The following PDE10A variants were observed in gnomAD, a reference collection of about 807,000 sequenced individuals.
The protein encoded by PDE10A is cAMP and cAMP-inhibited cGMP 3',5'-cyclic phosphodiesterase 10A.
Under a neutral mutation model 97.7 loss-of-function variants are expected in PDE10A, and 39 were observed. That is an observed-to-expected ratio of 0.40 (90% CI 0.31 to 0.52). The LOEUF (loss-of-function observed/expected upper bound fraction) is 0.52, where lower values mean the gene tolerates loss of function less well. Among genes scored for constraint, PDE10A ranks in the 20% least tolerant of loss-of-function variants. The probability of loss-of-function intolerance (pLI) is 0.56; values close to 1 mark genes in which losing one functional copy is unlikely to be tolerated. For missense variants in PDE10A, 731 were observed against 1,047.8 expected (o/e 0.70, Z 4.17); for synonymous variants, 371 against 376.8 (o/e 0.98, Z 0.18).
intron 1 of PDE10A, among the ~76,000 whole-genome samples, chr6:165,563,208 G>A (rs1197559741): frequency 7.5e-6 from 1 of 133,684 alleles, no homozygotes; most frequent in South Asian, 2.8e-4. Context: ...AAGGGAGGGG[G>A]GAAAAAGAAA....
intron 1 of PDE10A, among the ~76,000 whole-genome samples, chr6:165,973,377 C>T (rs936346209): frequency 6.6e-6 from 1 of 151,128 alleles, no homozygotes; most frequent in Non-Finnish European, 1.5e-5. Flanking sequence ...CGCATCATTG[C>T]ACTCCAGCCT....
intron 3 of PDE10A, among the ~76,000 whole-genome samples, chr6:165,471,464 A>G (rs1335820017): frequency 6.6e-6 from 1 of 152,136 alleles, no homozygotes; most frequent in Non-Finnish European, 1.5e-5. Context: ...AGTCTCATAT[A>G]TACAACTTAC....
intron 1 of PDE10A, among the ~76,000 whole-genome samples, chr6:165,576,113 G>A (rs1374353378): frequency 1.3e-5 from 2 of 152,038 alleles, no homozygotes; most frequent in Non-Finnish European, 2.9e-5. Flanking sequence ...GAAAAATAAA[G>A]GGAAAAATCA....
At chr6:165,392,875 A>T in intron 15 of PDE10A, 79 bp from the exon 16 acceptor site, 1 of 1,281,800 alleles carries the variant, frequency 7.8e-7, no homozygotes, top group East Asian at 2.3e-5. Context: ...GTTTAGGTAC[A>T]TATATGTCTG....
chr6:165,683,349 G>A (rs1791028076), intron 1 of PDE10A, among the ~76,000 whole-genome samples: 1 of 152,096 alleles, frequency 6.6e-6, no homozygotes. Flanking sequence ...AATCCCAGGA[G>A]GAGAAATCAG....
intron 13 of PDE10A, among the ~76,000 whole-genome samples, chr6:165,404,836 A>C (rs1786991454): frequency 6.7e-6 from 1 of 149,026 alleles, no homozygotes; most frequent in Non-Finnish European, 1.5e-5. Flanking sequence ...TATGGAAACC[A>C]CAGTACCAAA....
chr6:165,586,478 G>C (rs1412022338), intron 1 of PDE10A, among the ~76,000 whole-genome samples: 1 of 152,022 alleles, frequency 6.6e-6, no homozygotes, highest in African/African-American at 2.4e-5. Flanking sequence ...CATTTTCTTA[G>C]AGATCTGACC....
intron 1 of PDE10A, among the ~76,000 whole-genome samples, chr6:165,758,736 A>T (rs537542482): frequency 6.6e-6 from 1 of 151,840 alleles, no homozygotes; most frequent in African/African-American, 2.4e-5. Flanking sequence ...GGAGGAGGAG[A>T]AGAAGGAGAG....
Position 165,739,717 on chromosome 6 carries a change from C to T in PDE10A, c.-614-196149G>A, listed in dbSNP as rs554003266. 3.3e-5 allele frequency among the ~76,000 whole-genome samples: 5 copies of T among 152,158 alleles called. No homozygotes were observed. In the South Asian group the frequency reaches 1.0e-3, roughly 32 times the overall value. ...GGAATGGGTGAAAATAATTGCAAACCATACATCCTATAAGGGGTTAATATC... is the reference window on the plus strand; with the variant it reads ...GGAATGGGTGAAAATAATTGCAAACTATACATCCTATAAGGGGTTAATATC... On this transcript the variant is annotated intron_variant, in intron 1 of 19. Coordinates refer to the PDE10A transcript ENST00000366882.
At chr6:165,895,855 C>T (rs761562204) in intron 1 of PDE10A, among the ~76,000 whole-genome samples, 34 of 152,284 alleles carry the variant, frequency 2.2e-4, no homozygotes, top group Non-Finnish European at 4.1e-4. Context: ...GAATTGTCCA[C>T]CAGAGCCATC....
At chr6:165,516,435 C>T (rs62443797) in intron 2 of PDE10A, among the ~76,000 whole-genome samples, 26,408 of 151,960 alleles carry the variant, frequency 0.17, 3,225 homozygotes, top group African/African-American at 0.35. Context: ...CAAAGATACG[C>T]GCACATCAAA....
intron 1 of PDE10A, among the ~76,000 whole-genome samples, chr6:165,612,384 T>G (rs1787536255): frequency 6.6e-6 from 1 of 152,106 alleles, no homozygotes; most frequent in Admixed American, 6.5e-5. Context: ...CAGATTTTTT[T>G]TTTTTCTATT....
chr6:165,946,095 T>A (rs1347373427), intron 1 of PDE10A, among the ~76,000 whole-genome samples: 1 of 152,208 alleles, frequency 6.6e-6, no homozygotes, highest in Non-Finnish European at 1.5e-5. Flanking sequence ...CCTAGACCAA[T>A]GTCATACAGC....
chr6:165,809,297 C>A lies in PDE10A; in HGVS notation c.-615+178232G>T, dbSNP rs1465783013. On this transcript the variant is annotated intron_variant, in intron 1 of 19. Transcript: ENST00000366882. Reference sequence around the variant, plus strand: ...TGGCTCTGGTAGTTCCCTGTCCCTGCCCTCTACAGTCAGTCCTCCTCCCTG... The same window carrying A: ...TGGCTCTGGTAGTTCCCTGTCCCTGACCTCTACAGTCAGTCCTCCTCCCTG... Among the ~76,000 whole-genome samples the A allele has an allele frequency of 7.9e-4, 120 of 152,302 alleles. 1 individual carries two copies. The highest frequency in any genetic ancestry group is 1.0e-4 in the Non-Finnish European group (7 of 68,010).
At chr6:165,635,472 A>T (rs1029334370) in intron 1 of PDE10A, among the ~76,000 whole-genome samples, 1 of 150,968 alleles carries the variant, frequency 6.6e-6, no homozygotes, top group South Asian at 2.1e-4. Flanking sequence ...GTGGGGTGTG[A>T]GTGTGTGTGT....
intron 1 of PDE10A, among the ~76,000 whole-genome samples, chr6:165,633,360 C>T (rs28698968): frequency 0.018 from 2,708 of 152,242 alleles, 78 homozygotes; most frequent in East Asian, 0.088. Context: ...GAAGCGGCCA[C>T]TTTAAGTGAT....
chr6:165,878,833 G>A (rs56265351), intron 1 of PDE10A, among the ~76,000 whole-genome samples: 18,707 of 152,188 alleles, frequency 0.12, 1,550 homozygotes, highest in East Asian at 0.28. Flanking sequence ...TGAAGATGGA[G>A]GAAGGGGCCA....
At chr6:165,815,510 G>A (rs1055542499) in intron 1 of PDE10A, among the ~76,000 whole-genome samples, 35 of 152,172 alleles carry the variant, frequency 2.3e-4, no homozygotes, top group African/African-American at 8.2e-4. Context: ...TGAGTCCTGA[G>A]TTACCTGAAT....
intron 1 of PDE10A, among the ~76,000 whole-genome samples, chr6:165,622,307 T>A (rs896438579): frequency 3.5e-5 from 5 of 144,308 alleles, no homozygotes; most frequent in African/African-American, 8.8e-5. Context: ...TGTGCATGCG[T>A]GTGTGTCACT....
Sources: gnomAD v4.1 joint callset for allele counts (sites outside exome capture counted in the v4.1 genomes callset) on GRCh38, gnomAD v4.1.1 for gene constraint, MANE v1.5 for transcripts, NCBI Gene and HGNC (gene_info 2026-07-23, HGNC 2026-07-21) for gene names.